The following ADGRA1 variants were observed in gnomAD, a reference collection of about 807,000 sequenced individuals.
ADGRA1 encodes G-protein coupled receptor 123.
ADGRA1 carries 12 observed loss-of-function variants against 21.3 expected under a neutral mutation model. The ratio of observed to expected loss-of-function variants is 0.56; its 90% CI spans 0.36 to 0.91. The LOEUF (loss-of-function observed/expected upper bound fraction) is 0.91. Among genes scored for constraint, ADGRA1 ranks in the 40% least tolerant of loss-of-function variants. The pLI, the probability that ADGRA1 is intolerant of heterozygous loss-of-function variation, is 0.01. For missense variants in ADGRA1, 790 were observed against 805.6 expected (o/e 0.98, Z 0.23); for synonymous variants, 385 against 368.8 (o/e 1.04, Z -0.50).
intron 5 of ADGRA1, among the ~76,000 whole-genome samples, chr10:133,112,365 G>GCGGGCCGTGTCGGTTATTTGGGGTCTA (rs1564849991): frequency 6.7e-6 from 1 of 148,244 alleles, no homozygotes; most frequent in African/African-American, 2.5e-5. Context: ...TTTGGGGTCT[G>GCGGGCCGTGTCGGTTATTTGGGGTCTA]CGGGCCGTGT....
chr10:133,106,646 G>C (rs548357774), intron 5 of ADGRA1, among the ~76,000 whole-genome samples: 2 of 152,262 alleles, frequency 1.3e-5, no homozygotes, highest in Non-Finnish European at 2.9e-5. Flanking sequence ...TGAGATGCTG[G>C]CTTCCCCGCA....
At chr10:133,116,134 C>T (rs1465720599) in intron 5 of ADGRA1, among the ~76,000 whole-genome samples, 3 of 152,158 alleles carry the variant, frequency 2.0e-5, no homozygotes, top group African/African-American at 7.2e-5. Context: ...CCTCGTGGAG[C>T]CCAGGCCCCT....
intron 5 of ADGRA1, among the ~76,000 whole-genome samples, chr10:133,110,815 A>C (rs1348680944): frequency 6.6e-6 from 1 of 152,074 alleles, no homozygotes; most frequent in Non-Finnish European, 1.5e-5. Context: ...TTTGACCTCT[A>C]TTCAGCCTCT....
chr10:133,091,876 G>T (rs1170573681), intron 2 of ADGRA1, among the ~76,000 whole-genome samples: 1 of 152,198 alleles, frequency 6.6e-6, no homozygotes, highest in African/African-American at 2.4e-5. Context: ...ACAGGCCCAA[G>T]GTCAAGGCCA....
At position 133,088,150 on chromosome 10, in the gene ADGRA1, G is replaced by C. The variant is rs1258083215; in HGVS notation, c.-203+12G>C. ...TTCGGCCACAGCAGGTGGGAAGGAC[G>C]CGCGGGTCTGGGCGGCGGGAGGGAC... is the stretch of plus-strand genomic sequence containing the variant. On this transcript the variant is annotated intron_variant, in intron 1 of 6. Coordinates refer to ENST00000392607, the MANE Select transcript of ADGRA1 (RefSeq NM_001083909.3). 3.6e-5 allele frequency: 35 copies of C among 978,260 alleles called. No individual in the cohort carries two copies. Among genetic ancestry groups the C allele is most frequent in the Non-Finnish European group, 4.1e-5 (34 of 823,622 alleles). The allele number at this position is 978,260 out of a possible 1,614,324, so 60.6% of individuals were successfully genotyped here.
At chr10:133,105,002 C>T (rs1324514359) in intron 5 of ADGRA1, among the ~76,000 whole-genome samples, 2 of 152,218 alleles carry the variant, frequency 1.3e-5, no homozygotes, top group East Asian at 3.9e-4. Flanking sequence ...CGCTCACCTC[C>T]CCCTCCTCCA....
intron 5 of ADGRA1, among the ~76,000 whole-genome samples, chr10:133,116,362 C>CGT (rs1852158896): frequency 1.3e-5 from 2 of 152,132 alleles, no homozygotes; most frequent in African/African-American, 2.4e-5. Flanking sequence ...CTTCACTGTC[C>CGT]CTCAATCCCA....
In ADGRA1 at chr10:133,107,340, C is replaced by G. The variant is rs142514050; in HGVS notation, c.401+4498C>G. ...AGTCTGGAGGGCTTTATTTCTTTTT[C>G]TTGCCTAATTGTGCTGGCTACAACT... On this transcript the variant is annotated intron_variant, in intron 5 of 6. Transcript: ENST00000392607. 1.9e-3 allele frequency among the ~76,000 whole-genome samples: 286 copies of G among 152,218 alleles called. 2 individuals carry two copies. Among genetic ancestry groups the G allele is most frequent in the African/African-American group, 6.3e-3 (262 of 41,538 alleles).
chr10:133,128,671 C>T lies in ADGRA1; in HGVS notation c.843C>T (p.His281=), dbSNP rs766339168. The T allele has an allele frequency of 1.7e-5, 27 of 1,611,096 alleles. No homozygotes were observed. The South Asian group carries it at 2.5e-4, about 15-fold the overall frequency. The part of the protein sequence containing the change: ...AFGALAVSQG[H]FLDMVFSCLY... ...GGGCGCTGGCGGTGTCACAGGGCCA[C>T]TTCCTGGACATGGTCTTCAGCTGCC... is the stretch of plus-strand genomic sequence containing the variant. Residue 281 remains histidine (H), a synonymous_variant, in exon 7 of 7, where the codon CAC becomes CAT. Transcript: ENST00000392607.
chr10:133,094,469 A>G (rs1456422240), intron 2 of ADGRA1, among the ~76,000 whole-genome samples: 1 of 152,102 alleles, frequency 6.6e-6, no homozygotes, highest in African/African-American at 2.4e-5. Context: ...CCCGTAGCTG[A>G]GCAGGAGTCT....
chr10:133,121,656 T>C (rs1306567132), intron 5 of ADGRA1, among the ~76,000 whole-genome samples: 14 of 145,228 alleles, frequency 9.6e-5, no homozygotes, highest in Non-Finnish European at 9.0e-5. Flanking sequence ...TGCATGTGTG[T>C]GGTGTGTGCC....
At chr10:133,120,461 C>T (rs1273222385) in intron 5 of ADGRA1, among the ~76,000 whole-genome samples, 1 of 152,246 alleles carries the variant, frequency 6.6e-6, no homozygotes, top group Non-Finnish European at 1.5e-5. Flanking sequence ...GCTATCTTGG[C>T]CAGATCTTCT....
rs1852494499 is a variant in ADGRA1, at chr10:133,130,532, G to A, written c.*1021G>A. The A allele has an allele frequency of 1.3e-5, 2 of 152,230 alleles. No homozygotes were observed. Among genetic ancestry groups the A allele is most frequent in the African/African-American group, 4.8e-5 (2 of 41,456 alleles). 9.4% of individuals were successfully genotyped at this position (152,230 alleles called of 1,614,324 possible). ...AGATGTGGATGACAGCAAGACTTCT[G>A]TGAAAGCAAGTGGCCCGTCCCTAGG... On this transcript the variant is annotated 3_prime_UTR_variant, in exon 7 of 7. Coordinates refer to ENST00000392607, the MANE Select transcript of ADGRA1 (RefSeq NM_001083909.3).
rs1564857309 is a variant in ADGRA1, at chr10:133,129,673, AT to A, written c.*163del. 9 of 310,286 alleles carry A rather than the reference AT, an allele frequency of 2.9e-5. No individual in the cohort carries two copies. The highest frequency in any genetic ancestry group is 4.3e-5 in the Non-Finnish European group (7 of 162,408). The allele number at this position is 310,286 out of a possible 1,614,324, so 19.2% of individuals were successfully genotyped here. On this transcript the variant is annotated 3_prime_UTR_variant, in exon 7 of 7. Coordinates refer to ENST00000392607, the MANE Select transcript of ADGRA1 (RefSeq NM_001083909.3). ...ATCACACCCCTGCCCCTTCCTTGTG[AT>A]CACACCCCTGCCCCTTCCTTGTGAT...
intron 5 of ADGRA1, among the ~76,000 whole-genome samples, chr10:133,116,147 C>T (rs960550941): frequency 2.0e-5 from 3 of 152,176 alleles, no homozygotes; most frequent in African/African-American, 7.2e-5. Context: ...AGGCCCCTTG[C>T]CCCCCTACCC....
At chr10:133,108,063 A>G (rs1372169878) in intron 5 of ADGRA1, among the ~76,000 whole-genome samples, 1 of 152,214 alleles carries the variant, frequency 6.6e-6, no homozygotes, top group Non-Finnish European at 1.5e-5. Context: ...CTTTCTCCAC[A>G]TGTGAGGAGT....
rs1208018877 is a variant in ADGRA1 at position 133,128,477 on chromosome 10, G to C, written c.649G>C (p.Glu217Gln). The change falls in exon 7 of 7, where the codon GAG becomes CAG. Residue 217 changes from glutamate to glutamine, a missense_variant. This residue lies in a region of ADGRA1 where 382 missense variants were observed against 415.6 expected (regional missense o/e 0.92). Coordinates refer to ENST00000392607, the MANE Select transcript of ADGRA1 (RefSeq NM_001083909.3). The stretch of plus-strand genomic sequence containing the variant: ...GTACGAGCTGCGCACACAGCCCGAG[G>C]AGCAGCGGCGGCTGGCGACACCCGA... Reference protein sequence around the residue: ...RRYELRTQPEEQRRLATPEGG... With the variant: ...RRYELRTQPEQQRRLATPEGG... 6.4e-7 allele frequency: 1 copy of C among 1,573,562 alleles called. No individual in the cohort carries two copies. The highest frequency in any genetic ancestry group is 8.6e-7 in the Non-Finnish European group (1 of 1,161,254).
intron 2 of ADGRA1, among the ~76,000 whole-genome samples, chr10:133,096,348 T>G (rs1485007468): frequency 1.3e-5 from 2 of 152,224 alleles, no homozygotes; most frequent in Non-Finnish European, 2.9e-5. Context: ...CCCAGTCTAC[T>G]CTGCCACAGA....
rs1038633728 is a variant in ADGRA1, at chr10:133,088,210, C to A, written c.-203+72C>A. 2.9e-5 allele frequency: 20 copies of A among 695,752 alleles called. No individual in the cohort carries two copies. The African/African-American group carries it at 3.7e-4, about 13-fold the overall frequency. The allele number at this position is 695,752 out of a possible 1,614,324, so 43.1% of individuals were successfully genotyped here. A position where few individuals can be genotyped will look rare whatever the true frequency, so the allele number is the denominator to read the frequency against. On this transcript the variant is annotated intron_variant, in intron 1 of 6. Coordinates refer to ENST00000392607, the MANE Select transcript of ADGRA1 (RefSeq NM_001083909.3). ...CGCGGCTCGGCAGAAAAGCTCGCGC[C>A]CCGAGGTGACACTGGCCGCGAGGAA...
Sources: gnomAD v4.1 joint callset for allele counts (sites outside exome capture counted in the v4.1 genomes callset) on GRCh38, gnomAD v4.1.1 for gene constraint, gnomAD v4.1.1 regional missense constraint, MANE v1.5 for transcripts, NCBI Gene and HGNC (gene_info 2026-07-23, HGNC 2026-07-21) for gene names.